PDE9A: variants seen among roughly 807,000 people sequenced by gnomAD.
PDE9A encodes the protein phosphodiesterase 9A.
In PDE9A, 60 loss-of-function variants were observed where a neutral mutation model predicts 87.4. That is an observed-to-expected ratio of 0.69 (90% CI 0.56 to 0.85). PDE9A has a LOEUF of 0.85. Ranked by LOEUF, PDE9A falls within the 40% of genes least tolerant of loss-of-function variation. PDE9A has a pLI of 0.00. For synonymous variants in PDE9A, 272 were observed against 279.4 expected (o/e 0.97, Z 0.27); for missense variants, 665 against 779.0 (o/e 0.85, Z 1.74).
At chr21:42,698,437 T>C (rs2060258062) in intron 3 of PDE9A, among the ~76,000 whole-genome samples, 2 of 152,162 alleles carry the variant, frequency 1.3e-5, no homozygotes, top group Non-Finnish European at 2.9e-5. Flanking sequence ...GACAGAAACG[T>C]TTTGGCTGTC....
At chr21:42,666,063 C>A (rs2057957556) in intron 1 of PDE9A, among the ~76,000 whole-genome samples, 2 of 152,218 alleles carry the variant, frequency 1.3e-5, no homozygotes, top group South Asian at 4.1e-4. Flanking sequence ...GCCCTGACAT[C>A]TAAAAAGATG....
At chr21:42,686,143 G>C (rs1339360907) in intron 1 of PDE9A, 49 bp from the exon 2 acceptor site, 2 of 1,459,166 alleles carry the variant, frequency 1.4e-6, no homozygotes. Context: ...GACGTCTCCA[G>C]GGAGACCCGC....
intron 3 of PDE9A, among the ~76,000 whole-genome samples, 191 bp downstream of exon 3, chr21:42,688,185 G>A (rs995336832): frequency 6.6e-6 from 1 of 152,316 alleles, no homozygotes; most frequent in African/African-American, 2.4e-5. Flanking sequence ...AGCTGGGCAC[G>A]TTCCAAGATA....
chr21:42,744,320 T>C (rs7279707), intron 8 of PDE9A, among the ~76,000 whole-genome samples: 136,743 of 152,074 alleles, frequency 0.9, 61,856 homozygotes, highest in East Asian at 0.95. Flanking sequence ...GCCACTGCAC[T>C]CCAGCCTGGG....
Position 42,772,435 on chromosome 21 carries a change from C to G in PDE9A, c.1687-4C>G. 1 of 1,601,458 alleles carries G rather than the reference C, an allele frequency of 6.2e-7. No individual in the cohort carries two copies. The highest frequency in any genetic ancestry group is 1.1e-5 in the South Asian group (1 of 89,074). On this transcript the variant is annotated splice_polypyrimidine_tract_variant and splice_region_variant and intron_variant, in intron 18 of 19. Coordinates refer to ENST00000291539, the MANE Select transcript of PDE9A (RefSeq NM_002606.3). Reference sequence around the variant, plus strand: ...GACTTGGCCTTCTCTGTACTCTGTTCCAGTTACAGAAGAAGACTGACAGCT... The same window carrying G: ...GACTTGGCCTTCTCTGTACTCTGTTGCAGTTACAGAAGAAGACTGACAGCT...
At chr21:42,770,131 G>A (rs918234367) in intron 17 of PDE9A, among the ~76,000 whole-genome samples, 6 of 152,026 alleles carry the variant, frequency 3.9e-5, no homozygotes, top group South Asian at 2.1e-4. Context: ...CCCAGCCACC[G>A]AGACCTTGCT....
At chr21:42,748,746 G>C (rs1196300170) in intron 8 of PDE9A, among the ~76,000 whole-genome samples, 2 of 151,976 alleles carry the variant, frequency 1.3e-5, no homozygotes, top group Non-Finnish European at 2.9e-5. Flanking sequence ...TTTACTAGTG[G>C]CATTGTGAGC....
chr21:42,772,430 C>T lies in PDE9A; in HGVS notation c.1687-9C>T, dbSNP rs1776380755. 3.1e-6 allele frequency: 5 copies of T among 1,596,756 alleles called. No individual in the cohort carries two copies. Among genetic ancestry groups the T allele is most frequent in the Non-Finnish European group, 4.3e-6 (5 of 1,167,972 alleles). On this transcript the variant is annotated splice_polypyrimidine_tract_variant and intron_variant, in intron 18 of 19. Transcript: ENST00000291539. The stretch of plus-strand genomic sequence containing the variant: ...TCCCTGACTTGGCCTTCTCTGTACT[C>T]TGTTCCAGTTACAGAAGAAGACTGA...
chr21:42,756,064 G>A (rs1173724966), intron 10 of PDE9A, among the ~76,000 whole-genome samples: 1 of 152,232 alleles, frequency 6.6e-6, no homozygotes, highest in Admixed American at 6.5e-5. Context: ...CTGCTCTCGG[G>A]GCTGGCAGGT....
rs750348998 is a variant in PDE9A at position 42,698,977 on chromosome 21, C to A, written c.228C>A (p.Tyr76Ter). The A allele has an allele frequency of 6.2e-7, 1 of 1,612,980 alleles. No homozygotes were observed. Among genetic ancestry groups the A allele is most frequent in the East Asian group, 2.2e-5 (1 of 44,876 alleles). ...GTCTTCTCTTTTGCAGCACTCCGTA[C>A]AAAGTGAGACCTGTGGCCATCAAGC... ...TMPANSERTP[Y>*]KVRPVAIKQL... The change falls in exon 4 of 20, where the codon TAC (tyrosine) becomes TAA (stop). Residue 76 changes from tyrosine to a stop codon, truncating the protein, a stop_gained. Transcript: ENST00000291539. LOFTEE classifies it high-confidence loss of function.
chr21:42,674,061 G>A (rs1035462120), intron 1 of PDE9A, among the ~76,000 whole-genome samples: 1 of 152,208 alleles, frequency 6.6e-6, no homozygotes, highest in Non-Finnish European at 1.5e-5. Flanking sequence ...AACGAAATCT[G>A]AATCCATGCT....
At chr21:42,772,705 C>G (rs1276103796) in intron 19 of PDE9A, among the ~76,000 whole-genome samples, 185 bp downstream of exon 19, 3 of 151,884 alleles carry the variant, frequency 2.0e-5, no homozygotes, top group Non-Finnish European at 4.4e-5. Flanking sequence ...ACGATCTCAG[C>G]TCACTACAAC....
intron 1 of PDE9A, among the ~76,000 whole-genome samples, chr21:42,685,690 A>T (rs1221727720): frequency 2.1e-5 from 3 of 143,198 alleles, no homozygotes; most frequent in African/African-American, 2.6e-5. Flanking sequence ...ATGGTCTGGA[A>T]CTCCTGATCT....
intron 7 of PDE9A, among the ~76,000 whole-genome samples, chr21:42,740,451 AAAAAAG>A (rs1383779321): frequency 6.6e-6 from 1 of 151,908 alleles, no homozygotes; most frequent in Non-Finnish European, 1.5e-5. Flanking sequence ...CTCAAAAAAA[AAAAAAG>A]AAAAGAAAAG....
chr21:42,663,532 G>A (rs568128269), intron 1 of PDE9A, among the ~76,000 whole-genome samples: 1 of 152,228 alleles, frequency 6.6e-6, no homozygotes, highest in African/African-American at 2.4e-5. Flanking sequence ...ATTGCCCGAT[G>A]TGATGAGGTT....
Position 42,733,377 on chromosome 21 carries a change from G to A in PDE9A, c.519G>A (p.Leu173=), listed in dbSNP as rs2052041531. The change falls in exon 7 of 20, where the codon CTG becomes CTA. Residue 173 remains leucine (L), a synonymous_variant. Transcript: ENST00000291539. Reference sequence around the variant, plus strand: ...CTAGAGCATTCAAAATCAATGAACTGAAAGCTGAAGTTGCAAATCACTTGG... The same window carrying A: ...CTAGAGCATTCAAAATCAATGAACTAAAAGCTGAAGTTGCAAATCACTTGG... ...QFSRAFKINE[L]KAEVANHLAV... is the part of the protein sequence containing the mutation. The A allele has an allele frequency of 1.3e-6, 2 of 1,598,572 alleles. No individual in the cohort carries two copies. Among genetic ancestry groups the A allele is most frequent in the Non-Finnish European group, 1.7e-6 (2 of 1,165,730 alleles).
At chr21:42,665,212 C>T (rs1356252714) in intron 1 of PDE9A, among the ~76,000 whole-genome samples, 3 of 152,250 alleles carry the variant, frequency 2.0e-5, no homozygotes, top group East Asian at 1.9e-4. Flanking sequence ...AAGCCTCCTC[C>T]CTGGAGTCCT....
intron 4 of PDE9A, among the ~76,000 whole-genome samples, chr21:42,700,121 A>T (rs2048267076): frequency 1.3e-5 from 2 of 152,138 alleles, no homozygotes; most frequent in Non-Finnish European, 2.9e-5. Flanking sequence ...ATTACATGGT[A>T]TATGTACTCT....
intron 3 of PDE9A, 137 bp downstream of exon 3, chr21:42,688,131 G>T: frequency 1.3e-6 from 1 of 747,706 alleles, no homozygotes; most frequent in Admixed American, 2.1e-5. Context: ...GAGGGTAGGA[G>T]CCAGTGTGAA....
Sources: allele counts gnomAD v4.1 joint callset (sites outside exome capture counted in the v4.1 genomes callset), GRCh38; gene constraint gnomAD v4.1.1; transcripts MANE v1.5; gene names NCBI Gene and HGNC (gene_info 2026-07-23, HGNC 2026-07-21).